Variants in SPAG16 observed in about 807,000 individuals in gnomAD.
SPAG16 encodes the protein sperm associated antigen 16.
A neutral mutation model predicts 80.4 loss-of-function variants in SPAG16; 86 were observed. The ratio of observed to expected loss-of-function variants is 1.07; its 90% CI spans 0.90 to 1.28. The LOEUF (loss-of-function observed/expected upper bound fraction) is 1.28. SPAG16 is among the 50% of genes most tolerant of loss of function. The pLI, the probability that SPAG16 is intolerant of heterozygous loss-of-function variation, is 0.00. For missense variants in SPAG16, 870 were observed against 765.3 expected (o/e 1.14, Z -1.61); for synonymous variants, 294 against 265.9 (o/e 1.11, Z -1.03).
chr2:213,693,764 A>G (rs2065042374), intron 10 of SPAG16, among the ~76,000 whole-genome samples: 1 of 152,202 alleles, frequency 6.6e-6, no homozygotes, highest in African/African-American at 2.4e-5. Context: ...GTGTGAAGTC[A>G]AGTAGTTGCT....
intron 1 of SPAG16, among the ~76,000 whole-genome samples, chr2:213,295,645 T>C (rs1482605665): frequency 6.6e-6 from 1 of 152,120 alleles, no homozygotes; most frequent in Non-Finnish European, 1.5e-5. Context: ...TCATGTACTG[T>C]GAATAGTTAA....
chr2:214,101,552 A>G (rs2053031541), intron 13 of SPAG16, among the ~76,000 whole-genome samples: 2 of 152,136 alleles, frequency 1.3e-5, no homozygotes, highest in Non-Finnish European at 2.9e-5. Context: ...GCCAGAACTC[A>G]TTACATGGTC....
chr2:213,412,233 C>T (rs2069014414), intron 9 of SPAG16, among the ~76,000 whole-genome samples: 2 of 152,178 alleles, frequency 1.3e-5, no homozygotes, highest in South Asian at 4.1e-4. Flanking sequence ...CTCACCCTGT[C>T]ATTCTCTTTA....
intron 15 of SPAG16, among the ~76,000 whole-genome samples, chr2:214,283,828 G>A (rs1693145963): frequency 6.6e-6 from 1 of 152,098 alleles, no homozygotes; most frequent in African/African-American, 2.4e-5. Context: ...GATAGTTCTA[G>A]CTCTGCTTAT....
intron 10 of SPAG16, among the ~76,000 whole-genome samples, chr2:213,554,031 C>T (rs913910516): frequency 9.9e-5 from 15 of 152,030 alleles, no homozygotes; most frequent in Non-Finnish European, 1.8e-4. Context: ...TCAGGCCTAA[C>T]CTCACCTCTC....
chr2:214,302,460 T>C (rs1694622037), intron 15 of SPAG16, among the ~76,000 whole-genome samples: 1 of 152,114 alleles, frequency 6.6e-6, no homozygotes, highest in Non-Finnish European at 1.5e-5. Context: ...GCTAGTGTAA[T>C]AGTATTTGTT....
chr2:213,388,265 C>A (rs1448397430), intron 9 of SPAG16, among the ~76,000 whole-genome samples: 5 of 152,160 alleles, frequency 3.3e-5, no homozygotes, highest in Admixed American at 6.5e-5. Context: ...CATAGAGGTG[C>A]AGACAAAGAG....
intron 10 of SPAG16, among the ~76,000 whole-genome samples, chr2:213,634,287 G>T (rs1237883519): frequency 6.6e-6 from 1 of 152,064 alleles, no homozygotes; most frequent in Non-Finnish European, 1.5e-5. Context: ...CAAACAAAAT[G>T]AACACTAATA....
chr2:214,056,280 TACACACACACACACAC>T (rs60247479), intron 13 of SPAG16, among the ~76,000 whole-genome samples: 1 of 144,560 alleles, frequency 6.9e-6, no homozygotes, highest in Non-Finnish European at 1.5e-5. Context: ...GTAGTAGAAA[TACACACACACACACAC>T]ACACACACAC....
chr2:213,378,686 C>T (rs1302057162), intron 9 of SPAG16, among the ~76,000 whole-genome samples: 2 of 152,202 alleles, frequency 1.3e-5, no homozygotes, highest in African/African-American at 4.8e-5. Context: ...GTGGTTGTAG[C>T]TGGTATTGAT....
In SPAG16 at chr2:214,315,306, G is replaced by C. The variant is rs542584859; in HGVS notation, c.1721-94834G>C. Reference sequence around the variant, plus strand: ...TTTATAAATACTGTTATTTCTAAATGTATTTAACTGATTTAAATATGTTTG... The same window carrying C: ...TTTATAAATACTGTTATTTCTAAATCTATTTAACTGATTTAAATATGTTTG... On this transcript the variant is annotated intron_variant, in intron 15 of 15. Transcript: ENST00000331683. Among the ~76,000 whole-genome samples, 26 of 152,142 alleles carry C rather than the reference G, an allele frequency of 1.7e-4. No homozygotes were observed. In the East Asian group the frequency reaches 4.1e-3, roughly 24 times the overall value.
At chr2:214,010,591 G>A (rs1219153903) in intron 12 of SPAG16, among the ~76,000 whole-genome samples, 2 of 146,672 alleles carry the variant, frequency 1.4e-5, no homozygotes, top group Non-Finnish European at 3.0e-5. Context: ...ACTGACCTCA[G>A]ACTTTGCAGT....
chr2:213,697,914 C>T (rs1008804257), intron 10 of SPAG16, among the ~76,000 whole-genome samples: 2 of 152,182 alleles, frequency 1.3e-5, no homozygotes, highest in Admixed American at 6.5e-5. Flanking sequence ...GTCCTTTTAA[C>T]AACTAAGGCT....
intron 10 of SPAG16, among the ~76,000 whole-genome samples, chr2:213,580,265 A>G (rs2060259111): frequency 6.6e-6 from 1 of 152,094 alleles, no homozygotes. Flanking sequence ...TGTCCATCAT[A>G]CTTCTCCACA....
intron 10 of SPAG16, among the ~76,000 whole-genome samples, chr2:213,605,236 A>T (rs1180420160): frequency 2.0e-5 from 3 of 151,438 alleles, no homozygotes; most frequent in African/African-American, 7.3e-5. Flanking sequence ...AAAATCAGAC[A>T]CTTTATTTCA....
chr2:213,860,468 T>TATATATATATATGTATATATATA (rs1559529560), intron 10 of SPAG16, among the ~76,000 whole-genome samples: 1 of 126,402 alleles, frequency 7.9e-6, no homozygotes, highest in Admixed American at 8.4e-5. Flanking sequence ...TACAGATATA[T>TATATATATATATGTATATATATA]CTATCTATAT....
intron 10 of SPAG16, among the ~76,000 whole-genome samples, chr2:213,767,503 AC>A (rs931091278): frequency 2.6e-4 from 40 of 152,106 alleles, no homozygotes; most frequent in African/African-American, 8.9e-4. Context: ...CCCCATCCTT[AC>A]AAAAAATAAA....
chr2:213,677,737 G>C (rs2125246639), intron 10 of SPAG16, among the ~76,000 whole-genome samples: 1 of 152,224 alleles, frequency 6.6e-6, no homozygotes. Flanking sequence ...AGGATACCCA[G>C]GAATTGAACT....
chr2:214,406,831 G>T (rs1382247279), intron 15 of SPAG16, among the ~76,000 whole-genome samples: 3 of 151,930 alleles, frequency 2.0e-5, no homozygotes, highest in Admixed American at 1.3e-4. Flanking sequence ...CAACAGAAAA[G>T]GTATTGATTT....
Sources: gnomAD v4.1 joint callset for allele counts (sites outside exome capture counted in the v4.1 genomes callset) on GRCh38, gnomAD v4.1.1 for gene constraint, MANE v1.5 for transcripts, NCBI Gene and HGNC (gene_info 2026-07-23, HGNC 2026-07-21) for gene names.